MYO15A: variants seen among roughly 807,000 people sequenced by gnomAD.
The protein encoded by MYO15A is myosin XVA.
Under a neutral mutation model 394.6 loss-of-function variants are expected in MYO15A, and 308 were observed. The observed-to-expected ratio is 0.78, with a 90% CI of 0.71 to 0.86. MYO15A has a LOEUF of 0.86. Among genes scored for constraint, MYO15A ranks in the 40% least tolerant of loss-of-function variants. The pLI, the probability that MYO15A is intolerant of heterozygous loss-of-function variation, is 0.00. For missense variants in MYO15A, 4,606 were observed against 4,799.1 expected, an observed-to-expected ratio of 0.96 and a Z score of 1.19; for synonymous variants, 1,957 against 2,003.8, an observed-to-expected ratio of 0.98 and a Z score of 0.62.
chr17:18,151,537 G>A lies in MYO15A; in HGVS notation c.7787+10G>A, dbSNP rs535116137. On this transcript the variant is annotated intron_variant, in intron 40 of 65. Transcript: ENST00000647165. ...GGCCTGAGGCCCTCAGGTCAGCACT[G>A]CCCCTGCCCCCAGCCCGCCAGCCCC... The A allele has an allele frequency of 2.2e-5, 35 of 1,613,762 alleles. No individual in the cohort carries two copies. In the South Asian group the frequency reaches 3.1e-4, roughly 14 times the overall value.
At position 18,122,314 on chromosome 17, in the gene MYO15A, A is replaced by G; in HGVS notation, c.3514A>G (p.Thr1172Ala). The change falls in exon 2 of 66, where the codon ACC (threonine) becomes GCC (alanine). Residue 1172 changes from threonine to alanine, a missense_variant. By Grantham distance (58) the Thr-to-Ala change is moderately conservative. Around this residue, in one of 2 missense-constraint regions of MYO15A, gnomAD observed 1,830 missense variants for 1,689.7 expected, o/e 1.08. Transcript: ENST00000647165. ...DAYGPWPRVH[T>A]HPQSCHLGPG... ...CTATGGACCCTGGCCACGAGTACAC[A>G]CCCATCCCCAGTCCTGCCACCTGGG... The G allele has an allele frequency of 6.2e-7, 1 of 1,612,668 alleles. No homozygotes were observed. The highest frequency in any genetic ancestry group is 1.1e-5 in the South Asian group (1 of 91,082).
chr17:18,115,057 A>G (rs988139048), intron 1 of MYO15A, among the ~76,000 whole-genome samples: 1 of 151,956 alleles, frequency 6.6e-6, no homozygotes, highest in African/African-American at 2.4e-5. Context: ...AGCCTTCCTC[A>G]TCCTGGCCAA....
At position 18,157,293 on chromosome 17, in the gene MYO15A, C is replaced by A. The variant is rs928936871; in HGVS notation, c.8788+63C>A. On this transcript the variant is annotated intron_variant, in intron 50 of 65. Transcript: ENST00000647165. ...ATCCTAGTTTCACCCACTCGTGGTG[C>A]AGATGCACAGTGAGGGTTTCTTGGT... 5.2e-6 allele frequency: 8 copies of A among 1,547,142 alleles called. No homozygotes were observed. In the African/African-American group the frequency reaches 8.2e-5, roughly 16 times the overall value.
rs531965733 is a variant in MYO15A, at chr17:18,148,533, G to A, written c.6729G>A (p.Thr2243=). 1.3e-4 allele frequency: 209 copies of A among 1,552,768 alleles called. 1 individual carries two copies. In the East Asian group the frequency reaches 4.7e-3, roughly 35 times the overall value. Residue 2243 remains threonine (T), a synonymous_variant, in exon 32 of 66, where the codon ACG becomes ACA. Coordinates refer to ENST00000647165, the MANE Select transcript of MYO15A (RefSeq NM_016239.4). This position sits in a 1 kb window ranked among gnomAD's most constrained non-coding sequence, Gnocchi z 4.8. ...QFSCPVHSWS[T]GEEVAGDILR... ...CCTGCCCGGTGCACTCCTGGAGTAC[G>A]GGGGAAGAGGTGGCTGGAGACATTC...
intron 24 of MYO15A, 50 bp downstream of exon 24, chr17:18,142,304 GGA>G: frequency 6.3e-7 from 1 of 1,585,916 alleles, no homozygotes; most frequent in Non-Finnish European, 8.6e-7. Context: ...GTCAGGCTCG[GGA>G]GAGGTCACGC....
intron 25 of MYO15A, 126 bp downstream of exon 25, chr17:18,142,966 G>A (rs1228924619): frequency 1.2e-6 from 1 of 829,462 alleles, no homozygotes; most frequent in African/African-American, 1.7e-5. Flanking sequence ...CCACCCACTA[G>A]CTCTTTAACT....
At position 18,141,691 on chromosome 17, in the gene MYO15A, C is replaced by A; in HGVS notation, c.5570C>A (p.Ala1857Asp). ...GTGGCCCTCAAGCATGACCTGCCGG[C>A]TAATGGGGACATGTGTGTGTCAGTG... ...CLVALKHDLP[A>D]NGDMCVSVLS... is the part of the protein sequence containing the mutation. Residue 1857 changes from alanine to aspartate, a missense_variant, in exon 23 of 66, where the codon GCT becomes GAT. Physicochemically the swap from Ala to Asp is moderately radical, Grantham distance 126. Transcript: ENST00000647165. The A allele has an allele frequency of 6.2e-7, 1 of 1,614,082 alleles. No homozygotes were observed. Among genetic ancestry groups the A allele is most frequent in the Non-Finnish European group, 8.5e-7 (1 of 1,180,028 alleles).
In MYO15A at chr17:18,155,092, A is replaced by T; in HGVS notation, c.8225-18A>T. 1 of 1,608,100 alleles carries T rather than the reference A, an allele frequency of 6.2e-7. No individual in the cohort carries two copies. Among genetic ancestry groups the T allele is most frequent in the Non-Finnish European group, 8.5e-7 (1 of 1,176,950 alleles). ...GGGGAGTGGGGAGAGGGTCCTGACC[A>T]GACCTGGCCTCCCATAGCCCAGAAC... On this transcript the variant is annotated intron_variant, in intron 45 of 65. Transcript: ENST00000647165.
intron 56 of MYO15A, 92 bp downstream of exon 56, chr17:18,160,109 C>T (rs2142395871): frequency 8.0e-7 from 1 of 1,242,684 alleles, no homozygotes; most frequent in South Asian, 1.3e-5. Context: ...AGGCCTGACC[C>T]CTCCTGGATT....
Position 18,138,202 on chromosome 17 carries a change from T to C in MYO15A, c.4963T>C (p.Tyr1655His), listed in dbSNP as rs2046314807. 6.2e-7 allele frequency: 1 copy of C among 1,613,704 alleles called. No individual in the cohort carries two copies. The highest frequency in any genetic ancestry group is 1.3e-5 in the African/African-American group (1 of 75,052). ...CATCAACCTCATCTCACTGAAGCCT[T>C]ATGGCATCCTGCGGATCCTTGACGA... ...PCINLISLKP[Y>H]GILRILDDQC... The change falls in exon 17 of 66, where the codon TAT (tyrosine) becomes CAT (histidine). Residue 1655 changes from tyrosine to histidine, a missense_variant. This residue lies in a region of MYO15A where 2,776 missense variants were observed against 3,109.3 expected (regional missense o/e 0.89). Transcript: ENST00000647165.
At chr17:18,169,062 G>A (rs911424326) in intron 62 of MYO15A, among the ~76,000 whole-genome samples, 6 of 148,780 alleles carry the variant, frequency 4.0e-5, no homozygotes, top group East Asian at 2.0e-4. Flanking sequence ...GCAGTGAGCC[G>A]AGATTGTGCC....
chr17:18,124,176 G>A (rs1015118165), intron 2 of MYO15A: 1 of 428,824 alleles, frequency 2.3e-6, no homozygotes, highest in South Asian at 2.3e-5. Context: ...AGTTGCGGTT[G>A]GGAGGGAGCT....
chr17:18,172,114 A>G, intron 63 of MYO15A, 43 bp from the exon 64 acceptor site: 1 of 1,613,450 alleles, frequency 6.2e-7, no homozygotes, highest in South Asian at 1.1e-5. Flanking sequence ...GTTGTCAGTG[A>G]GCCCTGCCCA....
At chr17:18,166,333 C>A in intron 60 of MYO15A, 28 bp from the exon 61 acceptor site, 1 of 1,608,526 alleles carries the variant, frequency 6.2e-7, no homozygotes, top group Non-Finnish European at 8.5e-7. Context: ...CATGCCCCCA[C>A]CCAGCCCTGC....
chr17:18,121,710 T>C lies in MYO15A; in HGVS notation c.2910T>C (p.Pro970=), dbSNP rs1232074149. The change falls in exon 2 of 66, where the codon CCT becomes CCC. Residue 970 remains proline (P), a synonymous_variant. Coordinates refer to ENST00000647165, the MANE Select transcript of MYO15A (RefSeq NM_016239.4). The surrounding 1 kb of genome is among the most constrained non-coding windows in gnomAD (Gnocchi z 5.3). The part of the protein sequence containing the change: ...PENPFLQLLG[P]VPSPTLQPED... ...ACCCCTTTCTCCAGCTCCTGGGCCC[T>C]GTGCCATCCCCCACCCTCCAGCCTG... is the stretch of plus-strand genomic sequence containing the variant. 6.3e-7 allele frequency: 1 copy of C among 1,598,442 alleles called. No homozygotes were observed. The highest frequency in any genetic ancestry group is 2.3e-5 in the East Asian group (1 of 44,420).
Position 18,141,080 on chromosome 17 carries a change from A to G in MYO15A, c.5468A>G (p.Glu1823Gly), listed in dbSNP as rs2046370666. The G allele has an allele frequency of 1.9e-6, 3 of 1,613,934 alleles. No homozygotes were observed. Among genetic ancestry groups the G allele is most frequent in the Non-Finnish European group, 8.5e-7 (1 of 1,180,050 alleles). Residue 1823 changes from glutamate (E) to glycine (G), a missense_variant, in exon 22 of 66, where the codon GAG becomes GGG. Coordinates refer to ENST00000647165, the MANE Select transcript of MYO15A (RefSeq NM_016239.4). Reference sequence around the variant, plus strand: ...CAATTACGCTATTCAGGGGTGCTGGAGACCGTGAGGATCCGCAAGGAGGGA... The same window carrying G: ...CAATTACGCTATTCAGGGGTGCTGGGGACCGTGAGGATCCGCAAGGAGGGA... Reference protein sequence around the residue: ...MAQLRYSGVLETVRIRKEGFP... With the variant: ...MAQLRYSGVLGTVRIRKEGFP...
At chr17:18,114,214 C>A (rs1199683154) in intron 1 of MYO15A, among the ~76,000 whole-genome samples, 9 of 149,648 alleles carry the variant, frequency 6.0e-5, no homozygotes, top group African/African-American at 2.2e-4. Context: ...CACAAGTGTG[C>A]CCACCTTGTG....
intron 21 of MYO15A, 82 bp downstream of exon 21, chr17:18,140,914 A>T (rs2142336092): frequency 6.2e-7 from 1 of 1,612,766 alleles, no homozygotes; most frequent in South Asian, 1.1e-5. Context: ...TTGGCCTCTC[A>T]GGACCTGCAT....
At position 18,120,763 on chromosome 17, in the gene MYO15A, T is replaced by A; in HGVS notation, c.1963T>A (p.Ser655Thr). 6.9e-7 allele frequency: 1 copy of A among 1,443,200 alleles called. No individual in the cohort carries two copies. Among genetic ancestry groups the A allele is most frequent in the South Asian group, 1.4e-5 (1 of 73,530 alleles). 89.4% of individuals were successfully genotyped at this position (1,443,200 alleles called of 1,614,324 possible). A position where few individuals can be genotyped will look rare whatever the true frequency, so the allele number is the denominator to read the frequency against. ...PAPQPAPRTLSHWSALLSPPV... is the reference protein window; with the variant it reads ...PAPQPAPRTLTHWSALLSPPV... The stretch of plus-strand genomic sequence containing the variant: ...GCCACAGCCCGCGCCCAGGACCCTC[T>A]CCCACTGGAGCGCGCTCCTGTCTCC... The change falls in exon 2 of 66, where the codon TCC becomes ACC. Residue 655 changes from serine to threonine, a missense_variant. Ser to Thr is a moderately conservative substitution (Grantham distance 58). Around this residue, in one of 2 missense-constraint regions of MYO15A, gnomAD observed 1,830 missense variants for 1,689.7 expected, o/e 1.08. Transcript: ENST00000647165.
Sources: gnomAD v4.1 joint callset for allele counts (sites outside exome capture counted in the v4.1 genomes callset) on GRCh38, gnomAD v4.1.1 for gene constraint, gnomAD v4.1.1 regional missense constraint, Gnocchi (gnomAD v3.1) non-coding constraint, MANE v1.5 for transcripts, NCBI Gene and HGNC (gene_info 2026-07-23, HGNC 2026-07-21) for gene names.